Variants in MBNL2 observed in about 807,000 individuals in gnomAD.
The protein encoded by MBNL2 is muscleblind-like protein 2.
Under a neutral mutation model 41.9 loss-of-function variants are expected in MBNL2, and 17 were observed. The ratio of observed to expected loss-of-function variants is 0.41; its 90% confidence interval spans 0.28 to 0.61. The LOEUF (loss-of-function observed/expected upper bound fraction) is 0.61. MBNL2 is among the 20% of genes least tolerant of loss of function. The probability of loss-of-function intolerance (pLI) is 0.35; values close to 1 mark genes in which losing one functional copy is unlikely to be tolerated. For synonymous variants in MBNL2, 195 were observed against 182.9 expected, an observed-to-expected ratio of 1.07 and a Z score of -0.53; for missense variants, 336 against 505.6, an observed-to-expected ratio of 0.66 and a Z score of 3.22.
intron 3 of MBNL2, among the ~76,000 whole-genome samples, chr13:97,339,005 GTGT>G (rs1413134718): frequency 6.7e-6 from 1 of 150,154 alleles, no homozygotes; most frequent in Non-Finnish European, 1.5e-5. Flanking sequence ...GCGTGAGAGT[GTGT>G]TGAGTACGTA....
the MBNL2 span, among the ~76,000 whole-genome samples, chr13:97,177,520 G>C: frequency 6.6e-6 from 1 of 151,688 alleles, no homozygotes; most frequent in East Asian, 1.9e-4. Flanking sequence ...ACAACAAAAA[G>C]ACAAAAAAGA....
intron 1 of MBNL2, among the ~76,000 whole-genome samples, chr13:97,262,434 T>C (rs1594112109): frequency 6.6e-6 from 1 of 152,230 alleles, no homozygotes; most frequent in Non-Finnish European, 1.5e-5. Context: ...TGTTGCATTA[T>C]TGGAAGGATC....
chr13:97,301,783 A>G (rs2057650071), intron 2 of MBNL2, among the ~76,000 whole-genome samples: 1 of 152,194 alleles, frequency 6.6e-6, no homozygotes, highest in African/African-American at 2.4e-5. Flanking sequence ...CCACCAGCCT[A>G]TATTAGTTCG....
chr13:97,354,900 A>G lies in MBNL2; in HGVS notation c.805-1896A>G, dbSNP rs563943854. Among the ~76,000 whole-genome samples, 13 of 152,338 alleles carry G rather than the reference A, an allele frequency of 8.5e-5. 1 individual carries two copies. In the South Asian group the frequency reaches 2.7e-3, roughly 32 times the overall value. On this transcript the variant is annotated intron_variant, in intron 5 of 8. Coordinates refer to ENST00000679496, the MANE Select transcript of MBNL2 (RefSeq NM_001382683.1). The stretch of plus-strand genomic sequence containing the variant: ...TTAAGGCCAAAATGATTTTGAGTTT[A>G]ACGATCCAGTTCATGTTCTCAATGT...
At chr13:97,378,855 A>G (rs2065184546) in intron 8 of MBNL2, among the ~76,000 whole-genome samples, 1 of 152,246 alleles carries the variant, frequency 6.6e-6, no homozygotes, top group Admixed American at 6.5e-5. Flanking sequence ...TCAGATGTGT[A>G]TATACATTAT....
the MBNL2 span, among the ~76,000 whole-genome samples, chr13:97,162,961 C>A: frequency 6.6e-6 from 1 of 152,152 alleles, no homozygotes; most frequent in African/African-American, 2.4e-5. Context: ...GAACCAGATT[C>A]TGAGGTTCAG....
At position 97,278,725 on chromosome 13, in the gene MBNL2, G is replaced by A. The variant is rs1012821315; in HGVS notation, c.174+2316G>A. On this transcript the variant is annotated intron_variant, in intron 2 of 8. Coordinates refer to ENST00000679496, the MANE Select transcript of MBNL2 (RefSeq NM_001382683.1). ...AAGTGCCTGCTGGAGCCTTTTTGAGGTGTTGAAGCATAGTTACATAGTGCC... is the reference window on the plus strand; with the variant it reads ...AAGTGCCTGCTGGAGCCTTTTTGAGATGTTGAAGCATAGTTACATAGTGCC... Among the ~76,000 whole-genome samples, 13 of 152,278 alleles carry A rather than the reference G, an allele frequency of 8.5e-5. 1 individual carries two copies. The highest frequency in any genetic ancestry group is 3.1e-4 in the African/African-American group (13 of 41,560).
chr13:97,153,542 A>G, the MBNL2 span, among the ~76,000 whole-genome samples: 1 of 152,196 alleles, frequency 6.6e-6, no homozygotes, highest in African/African-American at 2.4e-5. Flanking sequence ...AACAATTTTC[A>G]TTTTTAAGCT....
chr13:97,166,785 TAGA>T, the MBNL2 span, among the ~76,000 whole-genome samples: 1 of 18,212 alleles, frequency 5.5e-5, no homozygotes, highest in Non-Finnish European at 1.3e-4. Context: ...CTTCCCTTGA[TAGA>T]TAGATAGATA....
chr13:97,308,138 C>T (rs2058287897), intron 2 of MBNL2, among the ~76,000 whole-genome samples: 1 of 152,186 alleles, frequency 6.6e-6, no homozygotes, highest in Middle Eastern at 3.2e-3. Flanking sequence ...TGTTGCTGGA[C>T]GAACACTGGC....
At chr13:97,368,089 A>T (rs897338662) in intron 8 of MBNL2, among the ~76,000 whole-genome samples, 4 of 152,086 alleles carry the variant, frequency 2.6e-5, no homozygotes, top group African/African-American at 9.7e-5. Context: ...TTTTGACCCA[A>T]TTTTTATTAC....
chr13:97,161,684 G>C, the MBNL2 span, among the ~76,000 whole-genome samples: 1 of 152,152 alleles, frequency 6.6e-6, no homozygotes, highest in African/African-American at 2.4e-5. Context: ...AGATGATCAT[G>C]AATTATATCA....
At chr13:97,365,005 T>TA in intron 7 of MBNL2, 131 bp from the exon 8 acceptor site, 1 of 770,494 alleles carries the variant, frequency 1.3e-6, no homozygotes, top group Non-Finnish European at 2.4e-6. Context: ...TGAATGGCCC[T>TA]AAAAGACTGT....
At chr13:97,235,125 G>C (rs2043032687) in intron 1 of MBNL2, among the ~76,000 whole-genome samples, 1 of 152,188 alleles carries the variant, frequency 6.6e-6, no homozygotes, top group Non-Finnish European at 1.5e-5. Context: ...TTCATGTAGA[G>C]AAGGCCCAGA....
At position 97,363,258 on chromosome 13, in the gene MBNL2, C is replaced by T. The variant is rs980034168; in HGVS notation, c.1013-1878C>T. ...TGCGTGGGATACACAAACATGGAAG[C>T]TCCTGGAATCCAAACCCATGAAGTG... On this transcript the variant is annotated intron_variant, in intron 7 of 8. Coordinates refer to ENST00000679496, the MANE Select transcript of MBNL2 (RefSeq NM_001382683.1). Among the ~76,000 whole-genome samples the T allele has an allele frequency of 2.0e-5, 3 of 152,182 alleles. No homozygotes were observed. In the East Asian group the frequency reaches 5.8e-4, roughly 29 times the overall value.
upstream of MBNL2, among the ~76,000 whole-genome samples, chr13:97,222,145 G>C (rs777824903): frequency 6.6e-6 from 1 of 152,126 alleles, no homozygotes; most frequent in African/African-American, 2.4e-5. Context: ...TCTTCTGAGA[G>C]GGAAATTCCT....
At chr13:97,170,839 G>A in the MBNL2 span, among the ~76,000 whole-genome samples, 1 of 152,172 alleles carries the variant, frequency 6.6e-6, no homozygotes, top group Admixed American at 6.5e-5. Context: ...CCCTAGCCTG[G>A]TGGTCTCTTA....
At chr13:97,251,183 A>G (rs2046432083) in intron 1 of MBNL2, among the ~76,000 whole-genome samples, 1 of 147,644 alleles carries the variant, frequency 6.8e-6, no homozygotes, top group Non-Finnish European at 1.5e-5. Context: ...CGTGAGATCT[A>G]GTATGTGATA....
chr13:97,176,992 A>G, the MBNL2 span, among the ~76,000 whole-genome samples: 1 of 152,190 alleles, frequency 6.6e-6, no homozygotes, highest in African/African-American at 2.4e-5. Flanking sequence ...ATGGTGAGAA[A>G]TGGATACGAA....
Sources: gnomAD v4.1 joint callset for allele counts (sites outside exome capture counted in the v4.1 genomes callset) on GRCh38, gnomAD v4.1.1 for gene constraint, MANE v1.5 for transcripts, NCBI Gene and HGNC (gene_info 2026-07-23, HGNC 2026-07-21) for gene names.